Variants in RASEF observed in about 807,000 individuals in gnomAD.
RASEF encodes the protein RAS and EF-hand domain containing, also known as ras and EF-hand domain-containing protein.
Under a neutral mutation model 90.1 loss-of-function variants are expected in RASEF, and 68 were observed. That is an observed-to-expected ratio of 0.75 (90% CI 0.62 to 0.92). RASEF has a LOEUF of 0.92. RASEF is among the 40% of genes least tolerant of loss of function. The pLI is 0.00. For synonymous variants in RASEF, 331 were observed against 345.2 expected, an observed-to-expected ratio of 0.96 and a Z score of 0.46; for missense variants, 949 against 937.2, an observed-to-expected ratio of 1.01 and a Z score of -0.16.
chr9:83,062,676 G>T lies in RASEF; in HGVS notation c.192C>A (p.Phe64Leu), dbSNP rs775590384. 1 of 1,575,182 alleles carries T rather than the reference G, an allele frequency of 6.3e-7. No individual in the cohort carries two copies. Among genetic ancestry groups the T allele is most frequent in the East Asian group, 2.3e-5 (1 of 43,362 alleles). The change falls in exon 1 of 17, where the codon TTC (phenylalanine) becomes TTA (leucine). Residue 64 changes from phenylalanine (F) to leucine (L), a missense_variant. Coordinates refer to ENST00000376447, the MANE Select transcript of RASEF (RefSeq NM_152573.4). ...CGAGGAAGCCACGCGCGAACTCCTG[G>T]AAGGTGATGGCGCCGTCACGGTCGG... Reference protein sequence around the residue: ...LDADRDGAITFQEFARGFLGS... With the variant: ...LDADRDGAITLQEFARGFLGS...
At chr9:83,140,756 A>G in the RASEF span, among the ~76,000 whole-genome samples, 2 of 152,218 alleles carry the variant, frequency 1.3e-5, no homozygotes, top group Non-Finnish European at 1.5e-5. Flanking sequence ...CAGAAAAATA[A>G]TTTAGAAAGC....
the RASEF span, among the ~76,000 whole-genome samples, chr9:83,144,412 G>GA: frequency 7.3e-5 from 9 of 122,758 alleles, no homozygotes; most frequent in Admixed American, 1.6e-4. Context: ...AAGAAAGAAA[G>GA]AAAGAAAAGA....
chr9:83,159,118 G>A, the RASEF span, among the ~76,000 whole-genome samples: 188 of 151,454 alleles, frequency 1.2e-3, 3 homozygotes, highest in Admixed American at 9.6e-3. Context: ...CCCAGGAGGC[G>A]GAGCTTGCAG....
the RASEF span, among the ~76,000 whole-genome samples, chr9:83,148,056 G>A: frequency 6.6e-6 from 1 of 151,930 alleles, no homozygotes; most frequent in Admixed American, 6.6e-5. Context: ...TAACAATTGG[G>A]TGTGAAAAGA....
the RASEF span, among the ~76,000 whole-genome samples, chr9:83,095,856 G>A: frequency 1.3e-5 from 2 of 151,964 alleles, no homozygotes; most frequent in Non-Finnish European, 2.9e-5. Flanking sequence ...TTTTCTTAGA[G>A]CAACCAGATT....
the RASEF span, among the ~76,000 whole-genome samples, chr9:83,135,414 A>G: frequency 6.6e-6 from 1 of 152,258 alleles, no homozygotes; most frequent in African/African-American, 2.4e-5. Context: ...TAATGGGTGC[A>G]GCAAACCAAC....
the RASEF span, among the ~76,000 whole-genome samples, chr9:83,189,067 G>A: frequency 6.6e-6 from 1 of 152,196 alleles, no homozygotes. Flanking sequence ...CAGCTGATAC[G>A]GGTTGGCTGC....
At chr9:83,216,843 T>C in the RASEF span, among the ~76,000 whole-genome samples, 2 of 151,824 alleles carry the variant, frequency 1.3e-5, no homozygotes, top group Admixed American at 6.6e-5. Context: ...ATAGGCCCCA[T>C]GTAAGTCTGA....
At chr9:83,026,981 G>T (rs1433600641) in intron 1 of RASEF, among the ~76,000 whole-genome samples, 1 of 152,046 alleles carries the variant, frequency 6.6e-6, no homozygotes. Context: ...GTACACTTCT[G>T]ACCAATCACC....
intron 5 of RASEF, among the ~76,000 whole-genome samples, chr9:83,010,122 T>C (rs1198332064): frequency 6.6e-6 from 1 of 152,222 alleles, no homozygotes; most frequent in African/African-American, 2.4e-5. Flanking sequence ...ATAAACATTT[T>C]GTGGAATCAA....
At chr9:83,175,033 A>G in the RASEF span, among the ~76,000 whole-genome samples, 1 of 152,124 alleles carries the variant, frequency 6.6e-6, no homozygotes, top group Non-Finnish European at 1.5e-5. Context: ...ATTCCTTAGA[A>G]TTTCTACCAA....
chr9:83,180,669 T>C, the RASEF span, among the ~76,000 whole-genome samples: 1 of 152,094 alleles, frequency 6.6e-6, no homozygotes, highest in Admixed American at 6.6e-5. Context: ...GGAGGTTTAA[T>C]GTTCTGTTCA....
At chr9:82,992,439 A>G (rs1156506817) in intron 15 of RASEF, among the ~76,000 whole-genome samples, 1 of 152,208 alleles carries the variant, frequency 6.6e-6, no homozygotes, top group Non-Finnish European at 1.5e-5. Context: ...ATATCAACTA[A>G]ACACAAATCT....
At chr9:82,993,638 T>C (rs746250756) in intron 14 of RASEF, among the ~76,000 whole-genome samples, 8 of 152,224 alleles carry the variant, frequency 5.3e-5, no homozygotes, top group Non-Finnish European at 1.0e-4. Context: ...ATAAAAGTCC[T>C]GAAGGTCAAC....
chr9:83,022,454 T>TG, intron 2 of RASEF, 28 bp from the exon 3 acceptor site: 2 of 1,501,066 alleles, frequency 1.3e-6, no homozygotes, highest in Non-Finnish European at 1.9e-6. Context: ...GCACACCTTT[T>TG]CATTATACTC....
At chr9:83,101,369 C>T in the RASEF span, among the ~76,000 whole-genome samples, 1 of 152,214 alleles carries the variant, frequency 6.6e-6, no homozygotes, top group African/African-American at 2.4e-5. Flanking sequence ...AAGGACCCTA[C>T]ACTCCTGGTG....
the RASEF span, among the ~76,000 whole-genome samples, chr9:83,217,538 A>C: frequency 5.3e-5 from 8 of 152,300 alleles, no homozygotes; most frequent in South Asian, 1.7e-3. Context: ...TTCTCATGGT[A>C]GTGAATAAGT....
the RASEF span, among the ~76,000 whole-genome samples, chr9:83,087,405 T>TTCTCTC: frequency 0.027 from 3,163 of 115,534 alleles, 108 homozygotes; most frequent in Middle Eastern, 0.073. Flanking sequence ...TTCTCATTCA[T>TTCTCTC]TCTCTCTCTC....
At chr9:83,023,943 C>T (rs965820753) in intron 2 of RASEF, among the ~76,000 whole-genome samples, 12 of 152,118 alleles carry the variant, frequency 7.9e-5, no homozygotes, top group Non-Finnish European at 1.8e-4. Context: ...GAGTGCTTGC[C>T]CCAGCAATTT....
Sources: allele counts gnomAD v4.1 joint callset (sites outside exome capture counted in the v4.1 genomes callset), GRCh38; gene constraint gnomAD v4.1.1; transcripts MANE v1.5; gene names NCBI Gene and HGNC (gene_info 2026-07-23, HGNC 2026-07-21).